The following SHB variants were observed in gnomAD, a reference collection of about 807,000 sequenced individuals.
SHB encodes SH2 domain containing adaptor protein B.
In SHB, 20 loss-of-function variants were observed where a neutral mutation model predicts 52.3. The ratio of observed to expected loss-of-function variants is 0.38; its 90% CI spans 0.27 to 0.56. The LOEUF is 0.56. Ranked by LOEUF, SHB falls within the 20% of genes least tolerant of loss-of-function variation. The pLI is 0.71. For missense variants in SHB, 825 were observed against 723.3 expected (o/e 1.14, Z -1.61); for synonymous variants, 397 against 316.5 (o/e 1.25, Z -2.70).
At chr9:37,969,890 C>T (rs573543931) in intron 3 of SHB, among the ~76,000 whole-genome samples, 3 of 152,268 alleles carry the variant, frequency 2.0e-5, no homozygotes, top group Admixed American at 6.5e-5. Flanking sequence ...CTGCACCTGG[C>T]GGGGGTGGGT....
intron 5 of SHB, among the ~76,000 whole-genome samples, chr9:37,947,966 C>T (rs971080322): frequency 1.3e-5 from 2 of 152,212 alleles, no homozygotes; most frequent in African/African-American, 2.4e-5. Context: ...TCTTTTGGGT[C>T]CCGTCCAGCA....
At chr9:37,987,212 C>CA (rs1334595986) in intron 2 of SHB, among the ~76,000 whole-genome samples, 1 of 152,198 alleles carries the variant, frequency 6.6e-6, no homozygotes, top group East Asian at 1.9e-4. Context: ...GCCAACATCG[C>CA]AAAAACTCAA....
intron 2 of SHB, among the ~76,000 whole-genome samples, chr9:37,990,525 G>A (rs529762375): frequency 2.2e-4 from 33 of 152,200 alleles, no homozygotes; most frequent in African/African-American, 7.2e-4. Flanking sequence ...ATTTAGCACA[G>A]AAAACAAATG....
At chr9:37,926,444 A>G (rs903930884) in intron 5 of SHB, among the ~76,000 whole-genome samples, 3 of 152,190 alleles carry the variant, frequency 2.0e-5, no homozygotes, top group Non-Finnish European at 2.9e-5. Flanking sequence ...TGCTGCCAAG[A>G]GCTCTATGTA....
At position 37,964,846 on chromosome 9, in the gene SHB, C is replaced by T. The variant is rs1243370557; in HGVS notation, c.1055-8792G>A. 2.6e-5 allele frequency among the ~76,000 whole-genome samples: 4 copies of T among 152,296 alleles called. 1 individual carries two copies. Among genetic ancestry groups the T allele is most frequent in the Admixed American group, 1.3e-4 (2 of 15,302 alleles). On this transcript the variant is annotated intron_variant, in intron 3 of 5. Transcript: ENST00000377707. ...AGAGACAACTTGGCCCAGGTCATCC[C>T]GCCAACAAGTGACAGCACAGGACTT...
intron 1 of SHB, among the ~76,000 whole-genome samples, chr9:38,044,408 G>C (rs1489413604): frequency 1.3e-5 from 2 of 152,174 alleles, no homozygotes; most frequent in African/African-American, 4.8e-5. Context: ...CGTTTACTAA[G>C]CACCTACTAT....
intron 2 of SHB, among the ~76,000 whole-genome samples, chr9:37,986,717 G>A (rs1220941813): frequency 4.6e-5 from 7 of 152,332 alleles, no homozygotes; most frequent in African/African-American, 1.4e-4. Context: ...CTGGGATGAT[G>A]AGCAGGGGCT....
Position 38,005,660 on chromosome 9 carries a change from G to A in SHB, c.838+10351C>T, listed in dbSNP as rs548938881. On this transcript the variant is annotated intron_variant, in intron 2 of 5. Coordinates refer to ENST00000377707, the MANE Select transcript of SHB (RefSeq NM_003028.3). ...AGAGTCCTGGTATCATATATAAAAG[G>A]TACCCTTTAAACACAGACTGCTGTC... is the stretch of plus-strand genomic sequence containing the variant. Among the ~76,000 whole-genome samples, 3 of 152,242 alleles carry A rather than the reference G, an allele frequency of 2.0e-5. No individual in the cohort carries two copies. The East Asian group carries it at 5.8e-4, about 29-fold the overall frequency.
At chr9:37,929,059 GGT>G (rs1832283092) in intron 5 of SHB, among the ~76,000 whole-genome samples, 2 of 152,260 alleles carry the variant, frequency 1.3e-5, no homozygotes, top group African/African-American at 4.8e-5. Context: ...TGGGCCTTGG[GGT>G]GCCTGAGGAT....
chr9:37,998,105 C>T (rs746507321), intron 2 of SHB, among the ~76,000 whole-genome samples: 4 of 152,086 alleles, frequency 2.6e-5, no homozygotes, highest in Non-Finnish European at 5.9e-5. Flanking sequence ...TGCCCAACTG[C>T]CTGCTTGTAA....
intron 2 of SHB, among the ~76,000 whole-genome samples, chr9:37,982,559 G>A (rs556473823): frequency 1.2e-4 from 18 of 152,062 alleles, no homozygotes; most frequent in South Asian, 1.0e-3. Context: ...TTGGGAGGCC[G>A]AGGCGGGCGG....
chr9:37,970,533 G>A (rs759025815), intron 3 of SHB, among the ~76,000 whole-genome samples: 23 of 152,256 alleles, frequency 1.5e-4, no homozygotes, highest in Middle Eastern at 3.4e-3. Context: ...TTTCTTGAAC[G>A]CAATTCGGGA....
At chr9:38,040,280 G>A (rs1020083077) in intron 1 of SHB, among the ~76,000 whole-genome samples, 1 of 152,232 alleles carries the variant, frequency 6.6e-6, no homozygotes, top group Non-Finnish European at 1.5e-5. Flanking sequence ...GTGACCTTGG[G>A]CAAGTCTTGG....
intron 1 of SHB, among the ~76,000 whole-genome samples, chr9:38,027,414 G>A (rs947238051): frequency 1.2e-4 from 18 of 152,108 alleles, no homozygotes; most frequent in African/African-American, 4.3e-4. Flanking sequence ...AGGGCACAAG[G>A]GCACTAGAGA....
intron 3 of SHB, among the ~76,000 whole-genome samples, chr9:37,972,443 G>GC (rs1820601194): frequency 6.6e-6 from 1 of 152,192 alleles, no homozygotes; most frequent in Non-Finnish European, 1.5e-5. Context: ...CTCGGCCAGG[G>GC]GCTGGGGCTC....
In SHB at chr9:38,061,423, T is replaced by C. The variant is rs956375776; in HGVS notation, c.717+6506A>G. Among the ~76,000 whole-genome samples the C allele has an allele frequency of 3.3e-5, 5 of 152,080 alleles. No homozygotes were observed. In the East Asian group the frequency reaches 9.6e-4, roughly 29 times the overall value. On this transcript the variant is annotated intron_variant, in intron 1 of 5. Transcript: ENST00000377707. ...TCAGCCAGCCAGCATGCGAGCTCTG[T>C]TGGAAAGTCACACGTCCCAGTTTAT...
intron 2 of SHB, among the ~76,000 whole-genome samples, chr9:37,998,580 A>G (rs1349575143): frequency 6.6e-6 from 1 of 152,102 alleles, no homozygotes; most frequent in Admixed American, 6.5e-5. Flanking sequence ...AGCCTCCCGA[A>G]TAGCTGAGAC....
intron 1 of SHB, among the ~76,000 whole-genome samples, chr9:38,021,212 T>C (rs184349468): frequency 8.1e-4 from 123 of 152,172 alleles, no homozygotes; most frequent in African/African-American, 2.8e-3. Context: ...TGGTGGTGCA[T>C]GCCTGTAATC....
rs369726171 is a variant in SHB at position 37,919,841 on chromosome 9, C to T, written c.1510G>A (p.Val504Met). Residue 504 changes from valine (V) to methionine (M), a missense_variant, in exon 6 of 6, where the codon GTG becomes ATG. Coordinates refer to ENST00000377707, the MANE Select transcript of SHB (RefSeq NM_003028.3). ...GAEHLSLLYP[V>M]AVRTL ...TCCGCTCACAGGGTCCTCACAGCCACGGGATAGAGGAGGGACAAGTGCTCA... is the reference window on the plus strand; with the variant it reads ...TCCGCTCACAGGGTCCTCACAGCCATGGGATAGAGGAGGGACAAGTGCTCA... 27 of 1,613,676 alleles carry T rather than the reference C, an allele frequency of 1.7e-5. No homozygotes were observed. Among genetic ancestry groups the T allele is most frequent in the East Asian group, 4.5e-5 (2 of 44,878 alleles).
Sources: allele counts gnomAD v4.1 joint callset (sites outside exome capture counted in the v4.1 genomes callset), GRCh38; gene constraint gnomAD v4.1.1; transcripts MANE v1.5; gene names NCBI Gene and HGNC (gene_info 2026-07-23, HGNC 2026-07-21).